IMPG1: variants seen among roughly 807,000 people sequenced by gnomAD.
IMPG1 encodes the protein interphotoreceptor matrix proteoglycan of 150 kDa.
A neutral mutation model predicts 92.0 loss-of-function variants in IMPG1; 85 were observed. That is an observed-to-expected ratio of 0.92 (90% CI 0.78 to 1.11). The LOEUF is 1.11. Ranked by LOEUF, IMPG1 falls within the 50% of genes least tolerant of loss-of-function variation. IMPG1 has a pLI of 0.00. For synonymous variants in IMPG1, 367 were observed against 334.1 expected (o/e 1.10, Z -1.08); for missense variants, 1,022 against 956.0 (o/e 1.07, Z -0.91).
chr6:75,946,735 G>C (rs1283023631), intron 14 of IMPG1, among the ~76,000 whole-genome samples: 1 of 152,124 alleles, frequency 6.6e-6, no homozygotes, highest in Admixed American at 6.5e-5. Flanking sequence ...CATGGAAGCT[G>C]ATCTGTAGTA....
At chr6:75,969,150 G>A (rs1782360204) in intron 12 of IMPG1, among the ~76,000 whole-genome samples, 2 of 152,110 alleles carry the variant, frequency 1.3e-5, no homozygotes, top group African/African-American at 4.8e-5. Flanking sequence ...CAGGGGCCAG[G>A]GGGAGGGGCT....
intron 14 of IMPG1, among the ~76,000 whole-genome samples, chr6:75,939,575 C>T (rs1297234647): frequency 6.6e-6 from 1 of 152,170 alleles, no homozygotes; most frequent in Non-Finnish European, 1.5e-5. Context: ...GTATATGTGC[C>T]ACATTTTCTT....
intron 12 of IMPG1, among the ~76,000 whole-genome samples, chr6:75,956,256 T>C (rs1036983464): frequency 3.3e-5 from 5 of 152,246 alleles, no homozygotes; most frequent in Admixed American, 2.6e-4. Flanking sequence ...GGTTATTAAT[T>C]ACTGCCTCAA....
chr6:75,991,452 A>T (rs1171951031), intron 12 of IMPG1, among the ~76,000 whole-genome samples: 1 of 152,088 alleles, frequency 6.6e-6, no homozygotes, highest in Non-Finnish European at 1.5e-5. Context: ...CCTAACTGTG[A>T]TGTTACCTCA....
intron 1 of IMPG1, among the ~76,000 whole-genome samples, chr6:76,069,268 A>G (rs929867614): frequency 2.6e-5 from 4 of 152,198 alleles, no homozygotes; most frequent in Admixed American, 2.6e-4. Flanking sequence ...AACTCTAAAC[A>G]TTATAAATGG....
intron 14 of IMPG1, among the ~76,000 whole-genome samples, chr6:75,932,775 A>G (rs970980372): frequency 2.6e-5 from 4 of 151,408 alleles, no homozygotes; most frequent in African/African-American, 9.7e-5. Context: ...ATCTCAACTC[A>G]CTGTAACCTC....
chr6:76,018,111 A>G (rs1406078549), intron 7 of IMPG1, among the ~76,000 whole-genome samples: 2 of 152,228 alleles, frequency 1.3e-5, no homozygotes, highest in South Asian at 2.1e-4. Flanking sequence ...GGTGGAGGGT[A>G]TATTCCAAGA....
intron 1 of IMPG1, among the ~76,000 whole-genome samples, chr6:76,054,844 G>GGCAAAA (rs1784094371): frequency 6.6e-6 from 1 of 151,948 alleles, no homozygotes; most frequent in Non-Finnish European, 1.5e-5. Context: ...ACATTACAAA[G>GGCAAAA]GCAAAGACAG....
chr6:75,982,904 A>G (rs1208708295), intron 12 of IMPG1, among the ~76,000 whole-genome samples: 1 of 152,064 alleles, frequency 6.6e-6, no homozygotes, highest in Non-Finnish European at 1.5e-5. Flanking sequence ...ATTATCATTA[A>G]CATCCATTCA....
At chr6:76,001,670 G>A (rs1208767437) in intron 12 of IMPG1, among the ~76,000 whole-genome samples, 2 of 152,168 alleles carry the variant, frequency 1.3e-5, no homozygotes, top group African/African-American at 2.4e-5. Flanking sequence ...TGAGTGAACC[G>A]TTTTGGAAAT....
chr6:76,017,116 CA>C (rs1207368690), intron 7 of IMPG1, among the ~76,000 whole-genome samples: 3 of 135,998 alleles, frequency 2.2e-5, no homozygotes, highest in African/African-American at 8.4e-5. Context: ...AATGGGGGGA[CA>C]AATTGGAAAT....
At chr6:76,066,066 G>A (rs1784304765) in intron 1 of IMPG1, among the ~76,000 whole-genome samples, 1 of 151,996 alleles carries the variant, frequency 6.6e-6, no homozygotes, top group South Asian at 2.1e-4. Context: ...TATGAGAAAT[G>A]CTCAAGGGAA....
At chr6:76,071,766 T>C (rs962302933) in intron 1 of IMPG1, among the ~76,000 whole-genome samples, 4 of 152,120 alleles carry the variant, frequency 2.6e-5, no homozygotes, top group African/African-American at 9.7e-5. Context: ...TCAAACTTTC[T>C]CCAACATGTG....
chr6:76,039,946 T>C (rs1783806393), intron 2 of IMPG1, among the ~76,000 whole-genome samples: 1 of 152,216 alleles, frequency 6.6e-6, no homozygotes, highest in East Asian at 1.9e-4. Flanking sequence ...GGAATATGAG[T>C]GCTTTCTCTC....
chr6:76,029,059 G>A (rs1039821802), intron 4 of IMPG1, among the ~76,000 whole-genome samples: 1 of 152,230 alleles, frequency 6.6e-6, no homozygotes, highest in African/African-American at 2.4e-5. Context: ...CCTTTAAGGA[G>A]TCAATCTCAA....
chr6:76,063,056 T>C (rs1304618136), intron 1 of IMPG1, among the ~76,000 whole-genome samples: 1 of 151,692 alleles, frequency 6.6e-6, no homozygotes, highest in Non-Finnish European at 1.5e-5. Flanking sequence ...ATACAAAAAT[T>C]AGCCAGGCAT....
intron 12 of IMPG1, among the ~76,000 whole-genome samples, chr6:75,971,745 T>C (rs1034401218): frequency 2.0e-5 from 3 of 152,210 alleles, no homozygotes; most frequent in African/African-American, 7.2e-5. Flanking sequence ...GCCTTCTATA[T>C]TGTCTTTGCA....
At chr6:75,952,761 C>G (rs1437882540) in intron 12 of IMPG1, among the ~76,000 whole-genome samples, 1 of 151,962 alleles carries the variant, frequency 6.6e-6, no homozygotes, top group Non-Finnish European at 1.5e-5. Flanking sequence ...AATTACTGGT[C>G]TTGTAAGAAG....
intron 1 of IMPG1, among the ~76,000 whole-genome samples, chr6:76,058,858 G>A (rs1784161299): frequency 6.6e-6 from 1 of 152,154 alleles, no homozygotes; most frequent in African/African-American, 2.4e-5. Flanking sequence ...AGTAGAAAAA[G>A]CAAAAGCTAA....
Sources: gnomAD v4.1 joint callset for allele counts (sites outside exome capture counted in the v4.1 genomes callset) on GRCh38, gnomAD v4.1.1 for gene constraint, MANE v1.5 for transcripts, NCBI Gene and HGNC (gene_info 2026-07-23, HGNC 2026-07-21) for gene names.